The following NAT10 variants were observed in gnomAD, a reference collection of about 807,000 sequenced individuals.
NAT10 encodes RNA cytidine acetyltransferase.
Under a neutral mutation model 132.2 loss-of-function variants are expected in NAT10, and 109 were observed. The ratio of observed to expected loss-of-function variants is 0.82; its 90% CI spans 0.71 to 0.97. The LOEUF (loss-of-function observed/expected upper bound fraction) is 0.97, where lower values mean the gene tolerates loss of function less well. Ranked by LOEUF, NAT10 falls within the 50% of genes least tolerant of loss-of-function variation. The pLI, the probability that NAT10 is intolerant of heterozygous loss-of-function variation, is 0.00. For synonymous variants in NAT10, 479 were observed against 478.0 expected (o/e 1.00, Z -0.03); for missense variants, 1,184 against 1,263.4 (o/e 0.94, Z 0.95).
chr11:34,112,033 TG>T lies in NAT10; in HGVS notation c.201-14del. The stretch of plus-strand genomic sequence containing the variant: ...TCTGGTTAACTGGCTCTCATGGGAT[TG>T]GGGGTGTGTGATTGCAGTCACCGGA... On this transcript the variant is annotated intron_variant, in intron 3 of 28. Coordinates refer to ENST00000257829, the MANE Select transcript of NAT10 (RefSeq NM_024662.3). The T allele has an allele frequency of 1.2e-6, 2 of 1,613,718 alleles. No homozygotes were observed. Among genetic ancestry groups the T allele is most frequent in the Non-Finnish European group, 1.7e-6 (2 of 1,179,730 alleles).
intron 5 of NAT10, among the ~76,000 whole-genome samples, chr11:34,114,556 C>T (rs955875303): frequency 2.3e-4 from 35 of 152,342 alleles, no homozygotes; most frequent in African/African-American, 7.7e-4. Context: ...ATCACTTGCA[C>T]TACAGCCCTT....
chr11:34,142,435 T>C, intron 27 of NAT10, 87 bp downstream of exon 27: 1 of 1,174,904 alleles, frequency 8.5e-7, no homozygotes, highest in Non-Finnish European at 1.3e-6. Context: ...ATATCCCACG[T>C]GCCCTGGAAA....
At chr11:34,128,320 C>T (rs903016079) in intron 12 of NAT10, among the ~76,000 whole-genome samples, 3 of 148,832 alleles carry the variant, frequency 2.0e-5, no homozygotes, top group Non-Finnish European at 4.4e-5. Context: ...CACCACTGCT[C>T]TCCAGTCTGG....
chr11:34,138,067 T>C (rs181945671), intron 21 of NAT10, among the ~76,000 whole-genome samples: 1 of 152,242 alleles, frequency 6.6e-6, no homozygotes, highest in East Asian at 1.9e-4. Flanking sequence ...AGATGGGCGC[T>C]AAAGAAGGAT....
intron 5 of NAT10, among the ~76,000 whole-genome samples, chr11:34,115,298 A>G (rs1851765638): frequency 6.6e-6 from 1 of 152,192 alleles, no homozygotes. Flanking sequence ...CTTTGTGCTC[A>G]CATCAGTTTG....
At chr11:34,107,886 T>G (rs1851622700) in intron 1 of NAT10, among the ~76,000 whole-genome samples, 1 of 152,220 alleles carries the variant, frequency 6.6e-6, no homozygotes, top group South Asian at 2.1e-4. Flanking sequence ...AAACAAACAA[T>G]GCTTTGGATA....
intron 21 of NAT10, chr11:34,138,819 T>C (rs2132978240): frequency 5.4e-6 from 1 of 186,630 alleles, no homozygotes; most frequent in South Asian, 1.3e-4. Context: ...CAAACCCATG[T>C]TGACTGGATT....
At chr11:34,146,030 C>T in intron 28 of NAT10, 54 bp from the exon 29 acceptor site, 1 of 1,266,390 alleles carries the variant, frequency 7.9e-7, no homozygotes, top group Admixed American at 2.4e-5. Context: ...AAAGCAGTCT[C>T]AGATGTTCAG....
chr11:34,110,978 A>G (rs930941245), intron 3 of NAT10, among the ~76,000 whole-genome samples: 7 of 152,170 alleles, frequency 4.6e-5, no homozygotes, highest in Non-Finnish European at 8.8e-5. Context: ...ATATTTAGAG[A>G]GGTAGGCATT....
At position 34,133,060 on chromosome 11, in the gene NAT10, C is replaced by G. The variant is rs1231801236; in HGVS notation, c.1652C>G (p.Ala551Gly). 1 of 1,614,066 alleles carries G rather than the reference C, an allele frequency of 6.2e-7. No homozygotes were observed. The highest frequency in any genetic ancestry group is 2.2e-5 in the East Asian group (1 of 44,900). Residue 551 changes from alanine (A) to glycine (G), a missense_variant, in exon 16 of 29, where the codon GCA becomes GGA. Coordinates refer to ENST00000257829, the MANE Select transcript of NAT10 (RefSeq NM_024662.3). ...AATGATCTCCAGATGCTCTCCGATG[C>G]ACCTGCTCACCATCTCTTCTGCCTT... ...SPNDLQMLSDAPAHHLFCLLP... is the reference protein window; with the variant it reads ...SPNDLQMLSDGPAHHLFCLLP...
rs1191828738 is a variant in NAT10 at position 34,136,629 on chromosome 11, G to A, written c.2029-13G>A. 6.2e-7 allele frequency: 1 copy of A among 1,614,058 alleles called. No homozygotes were observed. Among genetic ancestry groups the A allele is most frequent in the Admixed American group, 1.7e-5 (1 of 60,004 alleles). ...GCTGAATGGACTGTGTTCTCTCCTT[G>A]GCATCTTCCCAGGCTGTCAGCTTGT... On this transcript the variant is annotated splice_polypyrimidine_tract_variant and intron_variant, in intron 19 of 28. Coordinates refer to ENST00000257829, the MANE Select transcript of NAT10 (RefSeq NM_024662.3).
In NAT10 at chr11:34,139,450, C is replaced by T. The variant is rs1331199411; in HGVS notation, c.2374C>T (p.Leu792=). The change falls in exon 23 of 29, where the codon CTG becomes TTG. Residue 792 remains leucine (L), a synonymous_variant. Transcript: ENST00000257829. ...CAGTACCTTCTCTCCTTCCCTGGCT[C>T]TGAACATCATTCAGAACAGGAACAT... ...QFSTFSPSLA[L]NIIQNRNMGK... is the part of the protein sequence containing the mutation. 2.5e-6 allele frequency: 4 copies of T among 1,614,128 alleles called. No individual in the cohort carries two copies. Among genetic ancestry groups the T allele is most frequent in the Non-Finnish European group, 3.4e-6 (4 of 1,180,024 alleles).
chr11:34,122,609 C>T lies in NAT10; in HGVS notation c.914+17C>T, dbSNP rs761813028. The T allele has an allele frequency of 6.2e-7, 1 of 1,613,100 alleles. No homozygotes were observed. The highest frequency in any genetic ancestry group is 8.5e-7 in the Non-Finnish European group (1 of 1,179,590). On this transcript the variant is annotated intron_variant, in intron 9 of 28. Coordinates refer to ENST00000257829, the MANE Select transcript of NAT10 (RefSeq NM_024662.3). ...GGCATTTGGGTAAGGGGATTCAGTCCCCCATCTTTAGGAACTCTGGGCTCT... is the reference window on the plus strand; with the variant it reads ...GGCATTTGGGTAAGGGGATTCAGTCTCCCATCTTTAGGAACTCTGGGCTCT...
intron 12 of NAT10, among the ~76,000 whole-genome samples, chr11:34,129,633 ACT>A (rs1399720652): frequency 9.6e-6 from 1 of 104,554 alleles, no homozygotes; most frequent in Admixed American, 1.4e-4. Flanking sequence ...TTTGAGACAG[ACT>A]CTGACTCTGT....
chr11:34,118,860 T>G lies in NAT10; in HGVS notation c.780+357T>G, dbSNP rs570553281. On this transcript the variant is annotated intron_variant, in intron 8 of 28. Coordinates refer to ENST00000257829, the MANE Select transcript of NAT10 (RefSeq NM_024662.3). The stretch of plus-strand genomic sequence containing the variant: ...CCTGGCCTCAAGCAGTTCTCCTGCC[T>G]CAACCTCCTAAGGTGCTGAGATTAC... Among the ~76,000 whole-genome samples, 13 of 152,306 alleles carry G rather than the reference T, an allele frequency of 8.5e-5. 1 individual carries two copies. Among genetic ancestry groups the G allele is most frequent in the African/African-American group, 3.1e-4 (13 of 41,574 alleles).
At position 34,108,266 on chromosome 11, in the gene NAT10, T is replaced by C; in HGVS notation, c.41T>C (p.Ile14Thr). 6.2e-7 allele frequency: 1 copy of C among 1,614,180 alleles called. No homozygotes were observed. The highest frequency in any genetic ancestry group is 8.5e-7 in the Non-Finnish European group (1 of 1,180,000). Residue 14 changes from isoleucine (I) to threonine (T), a missense_variant, in exon 2 of 29, where the codon ATT (isoleucine) becomes ACT (threonine). By Grantham distance (89) the Ile-to-Thr change is moderately conservative. Transcript: ENST00000257829. ...GTGGATAACCGAATCCGGATTCTCATTGAGAATGGAGTAGCTGAGCGGCAA... is the reference window on the plus strand; with the variant it reads ...GTGGATAACCGAATCCGGATTCTCACTGAGAATGGAGTAGCTGAGCGGCAA... ...KKVDNRIRIL[I>T]ENGVAERQRS...
intron 15 of NAT10, 59 bp from the exon 16 acceptor site, chr11:34,132,966 CT>C: frequency 2.1e-6 from 3 of 1,412,466 alleles, no homozygotes; most frequent in Non-Finnish European, 3.0e-6. Flanking sequence ...TGAATCGAAC[CT>C]TTTGCGTAAA....
At chr11:34,139,133 G>A in intron 21 of NAT10, 58 bp from the exon 22 acceptor site, 1 of 1,449,402 alleles carries the variant, frequency 6.9e-7, no homozygotes, top group Non-Finnish European at 9.7e-7. Context: ...CTTCATCAAT[G>A]ATGGGTTATT....
intron 6 of NAT10, among the ~76,000 whole-genome samples, chr11:34,116,631 G>T (rs1851788544): frequency 6.6e-6 from 1 of 151,978 alleles, no homozygotes; most frequent in South Asian, 2.1e-4. Flanking sequence ...GTCTCGCTCT[G>T]TTGCCCAGGC....
Sources: allele counts gnomAD v4.1 joint callset (sites outside exome capture counted in the v4.1 genomes callset), GRCh38; gene constraint gnomAD v4.1.1; transcripts MANE v1.5; gene names NCBI Gene and HGNC (gene_info 2026-07-23, HGNC 2026-07-21).